Variants in ASTN2 observed in about 807,000 individuals in gnomAD.
ASTN2 encodes the protein astrotactin-2.
A neutral mutation model predicts 139.8 loss-of-function variants in ASTN2; 54 were observed. The ratio of observed to expected loss-of-function variants is 0.39; its 90% CI spans 0.31 to 0.48. The LOEUF is 0.48. Among genes scored for constraint, ASTN2 ranks in the 20% least tolerant of loss-of-function variants. The pLI, the probability that ASTN2 is intolerant of heterozygous loss-of-function variation, is 0.95. For missense variants in ASTN2, 1,565 were observed against 1,725.1 expected (o/e 0.91, Z 1.64); for synonymous variants, 756 against 719.5 (o/e 1.05, Z -0.81).
At chr9:116,743,081 C>T (rs1829136759) in intron 13 of ASTN2, among the ~76,000 whole-genome samples, 1 of 152,174 alleles carries the variant, frequency 6.6e-6, no homozygotes, top group African/African-American at 2.4e-5. Flanking sequence ...GAGACCTTCC[C>T]TCACCAACCT....
At chr9:117,024,880 C>T (rs887612409) in intron 6 of ASTN2, among the ~76,000 whole-genome samples, 1 of 152,048 alleles carries the variant, frequency 6.6e-6, no homozygotes, top group Non-Finnish European at 1.5e-5. Flanking sequence ...CAGTTTCCCC[C>T]ATACTGTTCT....
At chr9:116,523,088 T>A (rs1237089733) in intron 19 of ASTN2, among the ~76,000 whole-genome samples, 1 of 152,070 alleles carries the variant, frequency 6.6e-6, no homozygotes, top group Non-Finnish European at 1.5e-5. Flanking sequence ...ACAACTATTA[T>A]AATGTTGTAG....
chr9:117,191,126 C>T (rs535365174), intron 3 of ASTN2, among the ~76,000 whole-genome samples: 1 of 150,788 alleles, frequency 6.6e-6, no homozygotes, highest in Admixed American at 6.6e-5. Context: ...ACCATTTGAC[C>T]CAATAATTCC....
intron 16 of ASTN2, among the ~76,000 whole-genome samples, chr9:116,680,534 A>T (rs1272221521): frequency 6.6e-6 from 1 of 152,230 alleles, no homozygotes; most frequent in Non-Finnish European, 1.5e-5. Context: ...TGAGGCCAGC[A>T]TCATCCTGAT....
intron 3 of ASTN2, among the ~76,000 whole-genome samples, chr9:117,214,043 A>T (rs1343308842): frequency 2.0e-5 from 3 of 152,176 alleles, no homozygotes; most frequent in South Asian, 4.1e-4. Flanking sequence ...TGGAAATGAG[A>T]TGGCCTCTTT....
chr9:117,397,575 T>C (rs1830709687), intron 1 of ASTN2, among the ~76,000 whole-genome samples: 1 of 152,196 alleles, frequency 6.6e-6, no homozygotes, highest in Non-Finnish European at 1.5e-5. Flanking sequence ...GGAACTCCAA[T>C]CAGCTGATCC....
intron 10 of ASTN2, among the ~76,000 whole-genome samples, chr9:116,937,232 A>G (rs978691669): frequency 6.6e-6 from 1 of 152,192 alleles, no homozygotes; most frequent in Non-Finnish European, 1.5e-5. Flanking sequence ...ACCCCTGAAC[A>G]TAATCTAAGA....
chr9:116,914,697 C>T (rs958643137), intron 10 of ASTN2, among the ~76,000 whole-genome samples: 1 of 151,846 alleles, frequency 6.6e-6, no homozygotes, highest in African/African-American at 2.4e-5. Context: ...TGCCACCCAA[C>T]CCTGGGTGGC....
chr9:116,554,480 A>T (rs960575793), intron 19 of ASTN2, among the ~76,000 whole-genome samples: 1 of 152,218 alleles, frequency 6.6e-6, no homozygotes, highest in African/African-American at 2.4e-5. Flanking sequence ...ACACATCAGA[A>T]TCAAATCATT....
intron 11 of ASTN2, among the ~76,000 whole-genome samples, chr9:116,853,014 T>C (rs1403363062): frequency 6.6e-6 from 1 of 151,814 alleles, no homozygotes; most frequent in Non-Finnish European, 1.5e-5. Flanking sequence ...ACTTAGAAAA[T>C]TGTCCCGAAG....
intron 1 of ASTN2, among the ~76,000 whole-genome samples, chr9:117,328,568 C>T (rs767983640): frequency 2.0e-5 from 3 of 152,078 alleles, no homozygotes; most frequent in East Asian, 1.9e-4. Flanking sequence ...ATGCTATATG[C>T]GGTGGAAAAG....
chr9:117,266,806 A>T (rs1346673255), intron 2 of ASTN2, among the ~76,000 whole-genome samples: 1 of 152,250 alleles, frequency 6.6e-6, no homozygotes. Context: ...TTAGAGAAAC[A>T]AGATATTTGT....
At chr9:116,681,480 C>T (rs1859862843) in intron 16 of ASTN2, among the ~76,000 whole-genome samples, 1 of 152,166 alleles carries the variant, frequency 6.6e-6, no homozygotes, top group South Asian at 2.1e-4. Flanking sequence ...ATGCCATCCC[C>T]ATCAAGCTAC....
At chr9:117,305,044 G>A (rs1375661103) in intron 1 of ASTN2, among the ~76,000 whole-genome samples, 1 of 152,190 alleles carries the variant, frequency 6.6e-6, no homozygotes, top group Non-Finnish European at 1.5e-5. Flanking sequence ...GAGAAGTCCT[G>A]GGACCACTGT....
intron 1 of ASTN2, among the ~76,000 whole-genome samples, chr9:117,369,880 G>A (rs975553610): frequency 6.6e-6 from 1 of 152,060 alleles, no homozygotes; most frequent in African/African-American, 2.4e-5. Flanking sequence ...CATTAGAGGA[G>A]GAACCCCATC....
chr9:117,274,504 T>C (rs2133130569), intron 2 of ASTN2, among the ~76,000 whole-genome samples: 1 of 152,364 alleles, frequency 6.6e-6, no homozygotes, highest in East Asian at 1.9e-4. Flanking sequence ...GTGTCTATTA[T>C]GTGCCAGGCA....
At chr9:116,910,708 AG>A (rs2132420129) in intron 10 of ASTN2, among the ~76,000 whole-genome samples, 1 of 152,304 alleles carries the variant, frequency 6.6e-6, no homozygotes, top group South Asian at 2.1e-4. Flanking sequence ...CCAGAAAAGA[AG>A]GGTTTGGATG....
intron 17 of ASTN2, among the ~76,000 whole-genome samples, chr9:116,631,085 G>T (rs1307635547): frequency 6.6e-6 from 1 of 152,154 alleles, no homozygotes; most frequent in South Asian, 2.1e-4. Flanking sequence ...TCAGAGAGGG[G>T]AACTCTTACA....
chr9:116,456,499 A>C (rs550801589), intron 20 of ASTN2, among the ~76,000 whole-genome samples: 1 of 152,308 alleles, frequency 6.6e-6, no homozygotes, highest in Admixed American at 6.5e-5. Context: ...CATGCTGCTG[A>C]TAAGGACATA....
Sources: allele counts gnomAD v4.1 joint callset (sites outside exome capture counted in the v4.1 genomes callset), GRCh38; gene constraint gnomAD v4.1.1; transcripts MANE v1.5; gene names NCBI Gene and HGNC (gene_info 2026-07-23, HGNC 2026-07-21).